The following NHLRC2 variants were observed in gnomAD, a reference collection of about 807,000 sequenced individuals.
NHLRC2 encodes NHL repeat-containing protein 2.
NHLRC2 carries 33 observed loss-of-function variants against 68.1 expected under a neutral mutation model. The ratio of observed to expected loss-of-function variants is 0.48; its 90% CI spans 0.37 to 0.65. The LOEUF (loss-of-function observed/expected upper bound fraction) is 0.65, where lower values mean the gene tolerates loss of function less well. NHLRC2 is among the 30% of genes least tolerant of loss of function. NHLRC2 has a pLI of 0.00. For synonymous variants in NHLRC2, 311 were observed against 309.6 expected (o/e 1.00, Z -0.05); for missense variants, 761 against 853.8 (o/e 0.89, Z 1.35).
chr10:113,880,212 G>T lies in NHLRC2; in HGVS notation c.909+517G>T, dbSNP rs1198967835. ...GACCATCAATTCCAGTTTCCCAGAG[G>T]TAACCATCCACTGTTAAAGTGTGTG... On this transcript the variant is annotated intron_variant, in intron 4 of 10. Transcript: ENST00000369301. Among the ~76,000 whole-genome samples the T allele has an allele frequency of 2.6e-5, 4 of 151,916 alleles. No individual in the cohort carries two copies. In the East Asian group the frequency reaches 7.7e-4, roughly 29 times the overall value.
intron 2 of NHLRC2, 115 bp from the exon 3 acceptor site, chr10:113,876,406 C>T (rs1448741659): frequency 3.8e-5 from 22 of 574,284 alleles, no homozygotes; most frequent in Admixed American, 1.1e-4. Context: ...TTCTACTTTT[C>T]GTTTTTTTTT....
Position 113,854,941 on chromosome 10 carries a change from C to T in NHLRC2, c.69C>T (p.Tyr23=). Residue 23 remains tyrosine (Y), a synonymous_variant, in exon 1 of 11, where the codon TAC becomes TAT. Transcript: ENST00000369301. The part of the protein sequence containing the change: ...GLLPAQTSLE[Y]ALLDAVTQQE... Reference sequence around the variant, plus strand: ...TCCCCGCGCAGACCTCGCTAGAGTACGCCCTGCTCGACGCCGTTACCCAGC... The same window carrying T: ...TCCCCGCGCAGACCTCGCTAGAGTATGCCCTGCTCGACGCCGTTACCCAGC... The T allele has an allele frequency of 6.4e-7, 1 of 1,554,956 alleles. No homozygotes were observed. Among genetic ancestry groups the T allele is most frequent in the South Asian group, 1.2e-5 (1 of 84,270 alleles).
intron 8 of NHLRC2, 64 bp from the exon 9 acceptor site, chr10:113,903,463 T>C: frequency 4.1e-6 from 4 of 968,130 alleles, no homozygotes; most frequent in Non-Finnish European, 6.6e-6. Context: ...GATACCATAC[T>C]CTTCCATACA....
Position 113,898,358 on chromosome 10 carries a change from C to T in NHLRC2, c.1139+149C>T. Reference sequence around the variant, plus strand: ...AACGCAGATTCTCAGTGACTTAAAACAAGGCGTGTTTATTGCTCACTCACA... The same window carrying T: ...AACGCAGATTCTCAGTGACTTAAAATAAGGCGTGTTTATTGCTCACTCACA... On this transcript the variant is annotated intron_variant, in intron 6 of 10. Transcript: ENST00000369301. The T allele has an allele frequency of 3.8e-6, 2 of 524,090 alleles. 1 individual carries two copies. The highest frequency in any genetic ancestry group is 5.3e-5 in the South Asian group (2 of 37,992). The allele number at this position is 524,090 out of a possible 1,614,324, so 32.5% of individuals were successfully genotyped here. A position where few individuals can be genotyped will look rare whatever the true frequency, so the allele number is the denominator to read the frequency against.
In NHLRC2 at chr10:113,858,644, G is replaced by A. The variant is rs781694523; in HGVS notation, c.295G>A (p.Asp99Asn). ...CATAAACTGTATTCACCTATTGCCT[G>A]ATCTCCATGCATTAGAACACACATA... ...CCINCIHLLP[D>N]LHALEHTYSD... Residue 99 changes from aspartate to asparagine, a missense_variant, in exon 2 of 11, where the codon GAT (aspartate) becomes AAT (asparagine). By Grantham distance (23) the Asp-to-Asn change is conservative. Transcript: ENST00000369301. 7 of 1,611,440 alleles carry A rather than the reference G, an allele frequency of 4.3e-6. No homozygotes were observed. In the East Asian group the frequency reaches 1.6e-4, roughly 36 times the overall value.
chr10:113,858,592 C>A lies in NHLRC2; in HGVS notation c.243C>A (p.Val81=). 1 of 1,609,270 alleles carries A rather than the reference C, an allele frequency of 6.2e-7. No individual in the cohort carries two copies. Among genetic ancestry groups the A allele is most frequent in the South Asian group, 1.1e-5 (1 of 90,978 alleles). Residue 81 remains valine, a synonymous_variant, in exon 2 of 11, where the codon GTC becomes GTA. Transcript: ENST00000369301. ...SVYKDLCGKI[V]VLDFFTYCCI... ...ACAAGGATCTATGTGGAAAAATAGT[C>A]GTCCTTGATTTCTTCACCTACTGCT...
intron 2 of NHLRC2, among the ~76,000 whole-genome samples, chr10:113,864,651 T>G (rs985397717): frequency 3.3e-5 from 5 of 151,120 alleles, no homozygotes; most frequent in African/African-American, 9.7e-5. Context: ...GAGCTGAGAT[T>G]GCGCCACTGA....
intron 2 of NHLRC2, among the ~76,000 whole-genome samples, chr10:113,869,445 A>G (rs776011045): frequency 1.3e-5 from 2 of 152,208 alleles, no homozygotes; most frequent in Non-Finnish European, 2.9e-5. Flanking sequence ...ATAAATCTTT[A>G]CCATGACTTA....
chr10:113,878,415 A>C (rs576098162), intron 3 of NHLRC2, among the ~76,000 whole-genome samples: 2 of 152,340 alleles, frequency 1.3e-5, no homozygotes, highest in Admixed American at 1.3e-4. Context: ...GCTATGAGTT[A>C]GGTAATTAGT....
chr10:113,856,283 ATTGG>A (rs1845757661), intron 1 of NHLRC2, among the ~76,000 whole-genome samples: 1 of 152,192 alleles, frequency 6.6e-6, no homozygotes, highest in Non-Finnish European at 1.5e-5. Flanking sequence ...TGTATAGTTA[ATTGG>A]TTGGATGTGG....
intron 9 of NHLRC2, 24 bp downstream of exon 9, chr10:113,903,760 T>A: frequency 7.6e-7 from 1 of 1,320,496 alleles, no homozygotes; most frequent in Non-Finnish European, 1.1e-6. Flanking sequence ...AAATATAAGT[T>A]AAAGAATGTG....
chr10:113,887,389 A>C (rs772151060), intron 5 of NHLRC2, among the ~76,000 whole-genome samples: 4 of 152,144 alleles, frequency 2.6e-5, no homozygotes, highest in Non-Finnish European at 5.9e-5. Flanking sequence ...AGATATTTGC[A>C]CTCCCATATT....
rs376431001 is a variant in NHLRC2, at chr10:113,894,315, A to G, written c.1040-3795A>G. On this transcript the variant is annotated intron_variant, in intron 5 of 10. Coordinates refer to ENST00000369301, the MANE Select transcript of NHLRC2 (RefSeq NM_198514.4). Reference sequence around the variant, plus strand: ...AAAAATATCTGTCTATATTTCTCTCAATAATGATTCTTAGTGTAGAAGGCT... The same window carrying G: ...AAAAATATCTGTCTATATTTCTCTCGATAATGATTCTTAGTGTAGAAGGCT... Among the ~76,000 whole-genome samples the G allele has an allele frequency of 3.7e-4, 56 of 152,306 alleles. 2 individuals carry two copies. The highest frequency in any genetic ancestry group is 1.3e-3 in the African/African-American group (55 of 41,568).
intron 5 of NHLRC2, among the ~76,000 whole-genome samples, chr10:113,889,073 C>T (rs1048582500): frequency 3.9e-5 from 6 of 152,020 alleles, no homozygotes; most frequent in African/African-American, 7.3e-5. Context: ...GTGATTTGCC[C>T]GCCTTGGCCT....
At chr10:113,896,863 G>T (rs1043578160) in intron 5 of NHLRC2, among the ~76,000 whole-genome samples, 2 of 151,550 alleles carry the variant, frequency 1.3e-5, no homozygotes, top group Non-Finnish European at 2.9e-5. Context: ...GCATGGTGGC[G>T]GGTGCCTGTA....
chr10:113,885,418 G>T (rs1051980972), intron 5 of NHLRC2, among the ~76,000 whole-genome samples: 1 of 151,852 alleles, frequency 6.6e-6, no homozygotes, highest in African/African-American at 2.4e-5. Flanking sequence ...CAACTAAAGG[G>T]ATACTTCATA....
intron 1 of NHLRC2, among the ~76,000 whole-genome samples, chr10:113,856,965 G>A (rs1463528745): frequency 6.6e-5 from 10 of 152,064 alleles, no homozygotes; most frequent in African/African-American, 2.4e-4. Flanking sequence ...CCATTTTGTT[G>A]GTTGTGTGAT....
intron 8 of NHLRC2, 126 bp from the exon 9 acceptor site, chr10:113,903,401 C>T (rs2134738425): frequency 7.5e-6 from 5 of 663,444 alleles, no homozygotes; most frequent in South Asian, 1.7e-5. Context: ...ATAACTATTC[C>T]TTTTGTGAGA....
intron 2 of NHLRC2, among the ~76,000 whole-genome samples, chr10:113,863,418 C>T (rs1027594772): frequency 6.6e-5 from 10 of 151,568 alleles, no homozygotes; most frequent in Admixed American, 2.0e-4. Context: ...TACTTAGAGA[C>T]GAATGAAAAC....
Sources: allele counts gnomAD v4.1 joint callset (sites outside exome capture counted in the v4.1 genomes callset), GRCh38; gene constraint gnomAD v4.1.1; transcripts MANE v1.5; gene names NCBI Gene and HGNC (gene_info 2026-07-23, HGNC 2026-07-21).